NEBL: variants seen among roughly 807,000 people sequenced by gnomAD.
NEBL encodes LIM and SH3 protein 2.
Under a neutral mutation model 140.2 loss-of-function variants are expected in NEBL, and 122 were observed. That is an observed-to-expected ratio of 0.87 (90% CI 0.75 to 1.01). The LOEUF is 1.01. NEBL is among the 50% of genes least tolerant of loss of function. NEBL has a pLI of 0.00. For synonymous variants in NEBL, 436 were observed against 398.9 expected (o/e 1.09, Z -1.11); for missense variants, 1,365 against 1,231.3 (o/e 1.11, Z -1.62).
rs1330237746 is a variant in NEBL at position 20,840,853 on chromosome 10, T to C, written c.1228-4A>G. 2.7e-6 allele frequency: 4 copies of C among 1,497,940 alleles called. No individual in the cohort carries two copies. The highest frequency in any genetic ancestry group is 3.7e-6 in the Non-Finnish European group (4 of 1,078,746). The allele number at this position is 1,497,940 out of a possible 1,614,324, so 92.8% of individuals were successfully genotyped here. On this transcript the variant is annotated splice_polypyrimidine_tract_variant and splice_region_variant and intron_variant, in intron 12 of 27. Transcript: ENST00000377122. ...CCAAATCTTTTTTATATTCTTTCTA[T>C]GAGACAAGAATATCACAGTTCAAAA...
intron 2 of NEBL, among the ~76,000 whole-genome samples, chr10:21,152,891 G>A (rs1004018948): frequency 1.4e-4 from 21 of 152,012 alleles, no homozygotes; most frequent in African/African-American, 3.6e-4. Context: ...CTTGTTTGTA[G>A]CAACATGAAT....
At chr10:21,026,616 C>T (rs548512563) in intron 2 of NEBL, among the ~76,000 whole-genome samples, 6 of 152,282 alleles carry the variant, frequency 3.9e-5, no homozygotes, top group Non-Finnish European at 8.8e-5. Context: ...GTTTACCTAA[C>T]CACTGTCACA....
Position 20,996,038 on chromosome 10 carries a change from G to A in NEBL, c.249+24079C>T, listed in dbSNP as rs545537315. ...AGATTCCTTCACACAACTTATCTTC[G>A]CCAGCAAGGTTTAGAGAACAGCGCG... On this transcript the variant is annotated intron_variant, in intron 3 of 6. Coordinates refer to the NEBL transcript ENST00000417816. Among the ~76,000 whole-genome samples the A allele has an allele frequency of 5.9e-5, 9 of 151,974 alleles. No individual in the cohort carries two copies. The South Asian group carries it at 1.5e-3, about 25-fold the overall frequency.
chr10:20,847,604 G>A lies in NEBL; in HGVS notation c.1117-2236C>T, dbSNP rs557813363. On this transcript the variant is annotated intron_variant, in intron 11 of 27. Coordinates refer to ENST00000377122, the MANE Select transcript of NEBL (RefSeq NM_006393.3). ...GCTCAGCATGAATGTTTCTAGGGCT[G>A]AGGATCAAAGAAGAGGGGAGGGGGT... Among the ~76,000 whole-genome samples the A allele has an allele frequency of 1.2e-4, 18 of 152,224 alleles. No homozygotes were observed. The East Asian group carries it at 2.9e-3, about 25-fold the overall frequency.
At chr10:21,041,502 G>A (rs539200662) in intron 2 of NEBL, among the ~76,000 whole-genome samples, 2 of 152,210 alleles carry the variant, frequency 1.3e-5, no homozygotes, top group South Asian at 4.2e-4. Flanking sequence ...TTTGACCTGA[G>A]AGAGAAATTG....
intron 1 of NEBL, among the ~76,000 whole-genome samples, chr10:21,277,753 T>C (rs975965516): frequency 6.6e-6 from 1 of 152,358 alleles, no homozygotes; most frequent in East Asian, 1.9e-4. Context: ...CTTTCCATGT[T>C]AACATAGTCT....
intron 2 of NEBL, among the ~76,000 whole-genome samples, chr10:21,041,552 C>T (rs1275532115): frequency 6.6e-6 from 1 of 152,152 alleles, no homozygotes; most frequent in Non-Finnish European, 1.5e-5. Context: ...GAAGGTTATA[C>T]TAACCTTCAG....
chr10:20,786,364 A>T (rs1373666210), intron 27 of NEBL, among the ~76,000 whole-genome samples: 1 of 152,228 alleles, frequency 6.6e-6, no homozygotes, highest in East Asian at 1.9e-4. Flanking sequence ...ATGTAAAACA[A>T]ATGAAAGAAA....
intron 2 of NEBL, among the ~76,000 whole-genome samples, chr10:21,087,518 C>T (rs946236971): frequency 6.6e-6 from 1 of 152,270 alleles, no homozygotes; most frequent in African/African-American, 2.4e-5. Context: ...AGTAAAACTG[C>T]CTCTAACAGA....
intron 4 of NEBL, among the ~76,000 whole-genome samples, chr10:20,925,078 C>T (rs868313138): frequency 6.6e-6 from 1 of 151,872 alleles, no homozygotes; most frequent in Admixed American, 6.6e-5. Flanking sequence ...AGTGTAGCCC[C>T]GGAAATAAAA....
chr10:20,910,290 A>G (rs1848276677), intron 4 of NEBL, among the ~76,000 whole-genome samples: 1 of 152,222 alleles, frequency 6.6e-6, no homozygotes, highest in Admixed American at 6.5e-5. Flanking sequence ...TCTTTATAGT[A>G]TTTATCTGCC....
chr10:20,825,064 C>T (rs1398157655), intron 18 of NEBL, among the ~76,000 whole-genome samples: 1 of 152,188 alleles, frequency 6.6e-6, no homozygotes, highest in African/African-American at 2.4e-5. Flanking sequence ...ATTCAAGAGA[C>T]AGCTCCATGG....
chr10:20,934,804 T>C (rs867272136), intron 4 of NEBL, among the ~76,000 whole-genome samples: 6 of 152,330 alleles, frequency 3.9e-5, no homozygotes, highest in Middle Eastern at 3.4e-3. Flanking sequence ...TCCTGACTCA[T>C]ACAAGGTGCA....
At chr10:20,823,871 C>T (rs1052243490) in intron 18 of NEBL, among the ~76,000 whole-genome samples, 2 of 151,966 alleles carry the variant, frequency 1.3e-5, no homozygotes, top group East Asian at 1.9e-4. Context: ...AAAGCATAGA[C>T]CACTGGGTCC....
chr10:20,955,655 C>A (rs2131605468), intron 4 of NEBL, among the ~76,000 whole-genome samples: 1 of 152,092 alleles, frequency 6.6e-6, no homozygotes, highest in Admixed American at 6.5e-5. Context: ...ACTGGAGGGC[C>A]ATGGAAAGTA....
At chr10:21,257,298 A>C (rs1241546853) in intron 1 of NEBL, among the ~76,000 whole-genome samples, 1 of 152,316 alleles carries the variant, frequency 6.6e-6, no homozygotes, top group African/African-American at 2.4e-5. Flanking sequence ...ACTGCCACTT[A>C]CGAGCCTGTG....
chr10:20,979,882 T>C (rs182912961), intron 3 of NEBL, among the ~76,000 whole-genome samples: 1 of 152,140 alleles, frequency 6.6e-6, no homozygotes, highest in African/African-American at 2.4e-5. Flanking sequence ...AATTTTTAAA[T>C]AAAATTTTAA....
chr10:20,924,388 C>A lies in NEBL; in HGVS notation c.357+37284G>T, dbSNP rs77224094. ...GATTTGACAGATGTGTATCAAATGC[C>A]TATAGCTCTCGATCAGGCATGAAGT... On this transcript the variant is annotated intron_variant, in intron 4 of 6. Coordinates refer to the NEBL transcript ENST00000417816. 2.4e-3 allele frequency among the ~76,000 whole-genome samples: 304 copies of A among 127,370 alleles called. 6 individuals are homozygous for A. In the East Asian group the frequency reaches 0.061, roughly 26 times the overall value. 83.6% of individuals were successfully genotyped at this position (127,370 alleles called of 152,430 possible).
chr10:20,893,625 G>C (rs1225608882), intron 2 of NEBL, among the ~76,000 whole-genome samples: 1 of 152,174 alleles, frequency 6.6e-6, no homozygotes, highest in African/African-American at 2.4e-5. Context: ...AGGCTTCCTA[G>C]GGCTGATCTC....
Sources: gnomAD v4.1 joint callset for allele counts (sites outside exome capture counted in the v4.1 genomes callset) on GRCh38, gnomAD v4.1.1 for gene constraint, MANE v1.5 for transcripts, NCBI Gene and HGNC (gene_info 2026-07-23, HGNC 2026-07-21) for gene names.